The following TMEM266 variants were observed in gnomAD, a reference collection of about 807,000 sequenced individuals.
The protein encoded by TMEM266 is Hv1 related protein 1.
A neutral mutation model predicts 50.5 loss-of-function variants in TMEM266; 33 were observed. That is an observed-to-expected ratio of 0.65 (90% CI 0.50 to 0.87). The LOEUF is 0.87. Ranked by LOEUF, TMEM266 falls within the 40% of genes least tolerant of loss-of-function variation. The pLI is 0.00. For synonymous variants in TMEM266, 310 were observed against 292.3 expected, an observed-to-expected ratio of 1.06 and a Z score of -0.62; for missense variants, 655 against 695.1, an observed-to-expected ratio of 0.94 and a Z score of 0.65.
At chr15:76,136,200 C>G (rs972295614) in intron 2 of TMEM266, among the ~76,000 whole-genome samples, 1 of 152,168 alleles carries the variant, frequency 6.6e-6, no homozygotes, top group Non-Finnish European at 1.5e-5. Flanking sequence ...GCCTTGGCCT[C>G]CCAAAGTGTT....
At chr15:76,105,274 T>C (rs549108955) in intron 1 of TMEM266, among the ~76,000 whole-genome samples, 11 of 152,200 alleles carry the variant, frequency 7.2e-5, no homozygotes, top group Non-Finnish European at 1.3e-4. Context: ...AAAAAAGTTT[T>C]ATTCCACTTC....
At chr15:76,060,376 TG>T (rs990616923) in intron 1 of TMEM266, among the ~76,000 whole-genome samples, 11 of 147,262 alleles carry the variant, frequency 7.5e-5, no homozygotes, top group African/African-American at 2.7e-4. Context: ...GGGTTGCTGC[TG>T]GGGGGAATCC....
intron 3 of TMEM266, among the ~76,000 whole-genome samples, chr15:76,138,611 A>C (rs940248750): frequency 6.6e-6 from 1 of 152,238 alleles, no homozygotes; most frequent in Non-Finnish European, 1.5e-5. Context: ...AGCAACCAGG[A>C]AGAATGTACC....
chr15:76,060,230 T>C (rs1246561763), intron 1 of TMEM266, among the ~76,000 whole-genome samples: 1 of 152,120 alleles, frequency 6.6e-6, no homozygotes, highest in East Asian at 1.9e-4. Context: ...CCTGGAGACC[T>C]GCTTCTTGTC....
At chr15:76,181,789 C>T (rs566465566) in intron 8 of TMEM266, among the ~76,000 whole-genome samples, 5 of 152,320 alleles carry the variant, frequency 3.3e-5, no homozygotes, top group African/African-American at 1.2e-4. Flanking sequence ...TGACTCATCT[C>T]ACGAAACCAC....
At chr15:76,180,607 CTTT>C (rs59287886) in intron 8 of TMEM266, among the ~76,000 whole-genome samples, 1 of 63,182 alleles carries the variant, frequency 1.6e-5, no homozygotes, top group Non-Finnish European at 2.7e-5. Flanking sequence ...TCATCTTAAG[CTTT>C]TTTTTTTTTT....
chr15:76,079,566 G>A (rs999193708), intron 1 of TMEM266, among the ~76,000 whole-genome samples: 1 of 149,246 alleles, frequency 6.7e-6, no homozygotes, highest in African/African-American at 2.5e-5. Context: ...GAGGCGGGCA[G>A]ATCACGAGGT....
intron 1 of TMEM266, among the ~76,000 whole-genome samples, chr15:76,085,964 A>G (rs2036770406): frequency 6.6e-6 from 1 of 151,542 alleles, no homozygotes; most frequent in Admixed American, 6.6e-5. Context: ...AGGATAATTG[A>G]TTGAACCTGG....
At chr15:76,116,169 C>T (rs2037243387) in intron 1 of TMEM266, among the ~76,000 whole-genome samples, 1 of 152,186 alleles carries the variant, frequency 6.6e-6, no homozygotes, top group Non-Finnish European at 1.5e-5. Context: ...CCCACTGTGC[C>T]AGCCAGCCTG....
At chr15:76,105,501 A>C (rs2037066989) in intron 1 of TMEM266, among the ~76,000 whole-genome samples, 1 of 152,232 alleles carries the variant, frequency 6.6e-6, no homozygotes, top group African/African-American at 2.4e-5. Context: ...GTAAATGGCT[A>C]AATAGTGAAT....
At chr15:76,176,350 CAG>C (rs1308035144) in intron 8 of TMEM266, 1 of 152,656 alleles carries the variant, frequency 6.6e-6, no homozygotes, top group Admixed American at 6.5e-5. Context: ...GTGAGTGGGA[CAG>C]AGGAGTTCAG....
chr15:76,151,322 C>T (rs1312736741), intron 3 of TMEM266, among the ~76,000 whole-genome samples: 1 of 152,222 alleles, frequency 6.6e-6, no homozygotes, highest in African/African-American at 2.4e-5. Context: ...CATTCTATTT[C>T]ACTGCTAAAA....
chr15:76,185,871 T>G (rs1050775102), intron 8 of TMEM266, among the ~76,000 whole-genome samples: 2 of 152,160 alleles, frequency 1.3e-5, no homozygotes, highest in Non-Finnish European at 2.9e-5. Flanking sequence ...ACAGAGCTCG[T>G]CATTGACTTG....
rs766766619 is a variant in TMEM266 at position 76,072,438 on chromosome 15, CAA to C, written c.-97+12443_-97+12444del. ...GGGCAACAAGAGCGAAAAACTCTGT[CAA>C]AAAAAAAAAAAAAAAAAAAAGAAGC... On this transcript the variant is annotated intron_variant, in intron 1 of 10. Transcript: ENST00000388942. 3.7e-3 allele frequency among the ~76,000 whole-genome samples: 201 copies of C among 54,528 alleles called. 2 individuals carry two copies. Among genetic ancestry groups the C allele is most frequent in the African/African-American group, 0.011 (181 of 16,184 alleles). 35.8% of individuals were successfully genotyped at this position (54,528 alleles called of 152,430 possible).
chr15:76,191,871 C>A, intron 8 of TMEM266, 97 bp from the exon 9 acceptor site: 1 of 1,171,522 alleles, frequency 8.5e-7, no homozygotes, highest in Non-Finnish European at 1.1e-6. Flanking sequence ...GTCCTCCCCA[C>A]CCCGCCCCCA....
intron 1 of TMEM266, among the ~76,000 whole-genome samples, chr15:76,129,912 C>T (rs1198267013): frequency 1.3e-5 from 2 of 151,934 alleles, no homozygotes; most frequent in Non-Finnish European, 2.9e-5. Flanking sequence ...TAAACAATGC[C>T]TGGATATTTA....
chr15:76,116,168 C>T (rs2037243345), intron 1 of TMEM266, among the ~76,000 whole-genome samples: 1 of 152,166 alleles, frequency 6.6e-6, no homozygotes, highest in Non-Finnish European at 1.5e-5. Flanking sequence ...GCCCACTGTG[C>T]CAGCCAGCCT....
At chr15:76,190,893 T>C (rs1029264888) in intron 8 of TMEM266, among the ~76,000 whole-genome samples, 3 of 152,172 alleles carry the variant, frequency 2.0e-5, no homozygotes, top group Middle Eastern at 6.3e-3. Context: ...CCCTCCCGAC[T>C]CGCTCCGTTT....
chr15:76,094,472 T>C (rs1283507852), intron 1 of TMEM266, among the ~76,000 whole-genome samples: 2 of 152,138 alleles, frequency 1.3e-5, no homozygotes, highest in South Asian at 4.1e-4. Context: ...CACATTGGTC[T>C]ATGTATCTGT....
Sources: gnomAD v4.1 joint callset for allele counts (sites outside exome capture counted in the v4.1 genomes callset) on GRCh38, gnomAD v4.1.1 for gene constraint, MANE v1.5 for transcripts, NCBI Gene and HGNC (gene_info 2026-07-23, HGNC 2026-07-21) for gene names.